The following SKOR2 variants were observed in gnomAD, a reference collection of about 807,000 sequenced individuals.
The protein encoded by SKOR2 is SKI family transcriptional corepressor 2, also known as LBX1 corepressor 1-like protein.
In SKOR2, 47 loss-of-function variants were observed where a neutral mutation model predicts 69.1. That is an observed-to-expected ratio of 0.68 (90% CI 0.54 to 0.87). SKOR2 has a LOEUF of 0.87. Among genes scored for constraint, SKOR2 ranks in the 40% least tolerant of loss-of-function variants. The pLI is 0.00. For missense variants in SKOR2, 1,404 were observed against 1,472.2 expected (o/e 0.95, Z 0.76); for synonymous variants, 717 against 672.6 (o/e 1.07, Z -1.02).
chr18:47,227,326 ATTTTTTT>A (rs778462203), intron 6 of SKOR2, among the ~76,000 whole-genome samples: 3 of 91,128 alleles, frequency 3.3e-5, no homozygotes, highest in East Asian at 2.7e-4. Context: ...CAAGAAGCCA[ATTTTTTT>A]TTTTTTTTTT....
chr18:47,211,575 T>C (rs144551349), intron 8 of SKOR2, among the ~76,000 whole-genome samples: 58 of 152,342 alleles, frequency 3.8e-4, no homozygotes, highest in African/African-American at 1.2e-3. Context: ...GCTTCAGCTG[T>C]AGAGAAACTA....
intron 1 of SKOR2, among the ~76,000 whole-genome samples, chr18:47,251,133 GA>G (rs1403569439): frequency 6.9e-6 from 1 of 145,130 alleles, no homozygotes; most frequent in Non-Finnish European, 1.5e-5. Flanking sequence ...GGTGGGTGGG[GA>G]GGGGAGAAGA....
intron 7 of SKOR2, among the ~76,000 whole-genome samples, chr18:47,215,762 T>G (rs1400918332): frequency 2.6e-5 from 4 of 152,172 alleles, no homozygotes; most frequent in Non-Finnish European, 5.9e-5. Flanking sequence ...TAGCACATTT[T>G]CCCCATCAAC....
Position 47,220,020 on chromosome 18 carries a change from G to A in SKOR2, c.2918-10C>T. On this transcript the variant is annotated splice_polypyrimidine_tract_variant and intron_variant, in intron 6 of 8. Transcript: ENST00000425639. ...TGATCCTGAAAATTATCTGGTAGGA[G>A]AGAGAGATAGAGAAAGATTAACTAA... 1 of 1,530,516 alleles carries A rather than the reference G, an allele frequency of 6.5e-7. No homozygotes were observed. Among genetic ancestry groups the A allele is most frequent in the Non-Finnish European group, 8.7e-7 (1 of 1,143,132 alleles). 94.8% of individuals were successfully genotyped at this position (1,530,516 alleles called of 1,614,324 possible). A position where few individuals can be genotyped will look rare whatever the true frequency, so the allele number is the denominator to read the frequency against.
chr18:47,221,426 G>A (rs543030526), intron 6 of SKOR2, among the ~76,000 whole-genome samples: 1 of 152,136 alleles, frequency 6.6e-6, no homozygotes, highest in African/African-American at 2.4e-5. Flanking sequence ...AAGGAGGAGA[G>A]GGGAACTGCA....
Position 47,247,874 on chromosome 18 carries a change from G to T in SKOR2, c.1310C>A (p.Ala437Glu). The part of the protein sequence containing the change: ...AGAAAEALGG[A>E]GAGGAGAAPK... ...CGCCGCGCCCGCGCCGCCTGCGCCCGCGCCCCCCAGGGCCTCAGCGGCGGC... is the reference window on the plus strand; with the variant it reads ...CGCCGCGCCCGCGCCGCCTGCGCCCTCGCCCCCCAGGGCCTCAGCGGCGGC... Residue 437 changes from alanine to glutamate, a missense_variant, in exon 2 of 9, where the codon GCG (alanine) becomes GAG (glutamate). Ala to Glu is a moderately radical substitution (Grantham distance 107, BLOSUM62 -1). Around this residue, in one of 3 missense-constraint regions of SKOR2, gnomAD observed 1,266 missense variants for 1,309.9 expected, o/e 0.97. Transcript: ENST00000425639. The surrounding 1 kb of genome is among the most constrained non-coding windows in gnomAD (Gnocchi z 6.6). 1 of 1,358,318 alleles carries T rather than the reference G, an allele frequency of 7.4e-7. No homozygotes were observed. The highest frequency in any genetic ancestry group is 9.4e-7 in the Non-Finnish European group (1 of 1,065,414). The allele number at this position is 1,358,318 out of a possible 1,614,324, so 84.1% of individuals were successfully genotyped here. A position where few individuals can be genotyped will look rare whatever the true frequency, so the allele number is the denominator to read the frequency against.
chr18:47,227,390 G>T (rs868119288), intron 6 of SKOR2, among the ~76,000 whole-genome samples: 44 of 147,176 alleles, frequency 3.0e-4, no homozygotes, highest in Admixed American at 6.8e-4. Context: ...CAGGCTGGAG[G>T]GCAGTGGCGT....
At chr18:47,230,874 T>C (rs1030006314) in intron 5 of SKOR2, 61 bp downstream of exon 5, 1 of 1,478,538 alleles carries the variant, frequency 6.8e-7, no homozygotes. Context: ...AATATCCTCC[T>C]ATTATCTCCA....
intron 4 of SKOR2, among the ~76,000 whole-genome samples, chr18:47,237,894 T>A (rs1461434493): frequency 6.6e-6 from 1 of 152,106 alleles, no homozygotes; most frequent in Non-Finnish European, 1.5e-5. Flanking sequence ...CCCAGTCTGG[T>A]CTCGAACTCC....
intron 4 of SKOR2, among the ~76,000 whole-genome samples, chr18:47,235,210 A>C (rs1349368158): frequency 6.6e-6 from 1 of 152,008 alleles, no homozygotes; most frequent in Non-Finnish European, 1.5e-5. Context: ...AAAAGACAAA[A>C]ATTAGCTGGG....
chr18:47,247,310 C>G lies in SKOR2; in HGVS notation c.1874G>C (p.Arg625Pro). 6.7e-7 allele frequency: 1 copy of G among 1,483,466 alleles called. No individual in the cohort carries two copies. The highest frequency in any genetic ancestry group is 1.5e-5 in the African/African-American group (1 of 68,680). The allele number at this position is 1,483,466 out of a possible 1,614,324, so 91.9% of individuals were successfully genotyped here. A position where few individuals can be genotyped will look rare whatever the true frequency, so the allele number is the denominator to read the frequency against. The change falls in exon 2 of 9, where the codon CGG (arginine) becomes CCG (proline). Residue 625 changes from arginine (R) to proline (P), a missense_variant. Arg to Pro is a moderately radical substitution (Grantham distance 103, BLOSUM62 -2). Transcript: ENST00000425639. This position sits in a 1 kb window ranked among gnomAD's most constrained non-coding sequence, Gnocchi z 6.6. ...CGCGTCGTCCTTGCCGCCCACTGGC[C>G]GGAAGGCGCTGGAATGGTGGTAGCT... ...GGSYHHSSAF[R>P]PVGGKDDAES... is the part of the protein sequence containing the mutation.
chr18:47,227,448 C>T (rs2064182745), intron 6 of SKOR2, among the ~76,000 whole-genome samples: 1 of 149,578 alleles, frequency 6.7e-6, no homozygotes, highest in Non-Finnish European at 1.5e-5. Context: ...AGTGATTCTC[C>T]TGCTTCAGCC....
intron 6 of SKOR2, among the ~76,000 whole-genome samples, chr18:47,223,466 T>A (rs1474961678): frequency 2.0e-5 from 3 of 152,220 alleles, no homozygotes; most frequent in Non-Finnish European, 4.4e-5. Flanking sequence ...AAAAAGTTCA[T>A]ACCCTTTAAC....
intron 7 of SKOR2, among the ~76,000 whole-genome samples, chr18:47,213,426 C>T (rs1274096952): frequency 6.8e-6 from 1 of 146,940 alleles, no homozygotes; most frequent in African/African-American, 2.5e-5. Flanking sequence ...TATAATATTT[C>T]CCACATTACC....
chr18:47,236,548 G>T (rs2064224469), intron 4 of SKOR2, among the ~76,000 whole-genome samples: 1 of 152,216 alleles, frequency 6.6e-6, no homozygotes, highest in Non-Finnish European at 1.5e-5. Context: ...GATTAGGCCA[G>T]GAGGGCAGAC....
At chr18:47,225,021 A>C (rs768099430) in intron 6 of SKOR2, among the ~76,000 whole-genome samples, 1 of 152,230 alleles carries the variant, frequency 6.6e-6, no homozygotes, top group Middle Eastern at 3.4e-3. Context: ...CCTGCACTTC[A>C]TCTCCCAGAG....
intron 6 of SKOR2, among the ~76,000 whole-genome samples, chr18:47,223,677 AT>A (rs2064168957): frequency 6.6e-6 from 1 of 152,182 alleles, no homozygotes; most frequent in Non-Finnish European, 1.5e-5. Context: ...TGTGTATTAC[AT>A]TTCATTTTGT....
At chr18:47,216,374 A>C (rs1256685039) in intron 7 of SKOR2, among the ~76,000 whole-genome samples, 3 of 152,208 alleles carry the variant, frequency 2.0e-5, no homozygotes, top group Admixed American at 6.5e-5. Context: ...AAATACTAAA[A>C]TACCCAAATT....
Position 47,246,573 on chromosome 18 carries a change from C to T in SKOR2, c.2611G>A (p.Asp871Asn). The T allele has an allele frequency of 4.0e-6, 6 of 1,514,480 alleles. No individual in the cohort carries two copies. The highest frequency in any genetic ancestry group is 5.3e-6 in the Non-Finnish European group (6 of 1,138,606). 93.8% of individuals were successfully genotyped at this position (1,514,480 alleles called of 1,614,324 possible). A position where few individuals can be genotyped will look rare whatever the true frequency, so the allele number is the denominator to read the frequency against. The change falls in exon 2 of 9, where the codon GAT becomes AAT. Residue 871 changes from aspartate (D) to asparagine (N), a missense_variant and splice_region_variant. Transcript: ENST00000425639. ...AGGAGCCTAAAGGGGATATTTACAT[C>T]TTTGTAGGAGGGCTGCTCCTCCAGT... ...PSLEEQPSYK[D>N]SQKTKENNQV...
Sources: gnomAD v4.1 joint callset for allele counts (sites outside exome capture counted in the v4.1 genomes callset) on GRCh38, gnomAD v4.1.1 for gene constraint, gnomAD v4.1.1 regional missense constraint, Gnocchi (gnomAD v3.1) non-coding constraint, MANE v1.5 for transcripts, NCBI Gene and HGNC (gene_info 2026-07-23, HGNC 2026-07-21) for gene names.